Variants in HNF4G observed in about 807,000 individuals in gnomAD.
The protein encoded by HNF4G is hepatocyte nuclear factor 4 gamma.
A neutral mutation model predicts 50.9 loss-of-function variants in HNF4G; 21 were observed. That is an observed-to-expected ratio of 0.41 (90% confidence interval 0.29 to 0.59). HNF4G has a LOEUF of 0.59. Ranked by LOEUF, HNF4G falls within the 20% of genes least tolerant of loss-of-function variation. HNF4G has a pLI of 0.26. For missense variants in HNF4G, 527 were observed against 559.4 expected (o/e 0.94, Z 0.58); for synonymous variants, 198 against 185.6 (o/e 1.07, Z -0.54).
In HNF4G at chr8:75,560,388, C is replaced by T. The variant is rs745678642; in HGVS notation, c.1168C>T (p.His390Tyr). Residue 390 changes from histidine to tyrosine, a missense_variant, in exon 9 of 10, where the codon CAT (histidine) becomes TAT (tyrosine). By Grantham distance (83) the His-to-Tyr change is moderately conservative (BLOSUM62 2). Coordinates refer to ENST00000396423, the MANE Select transcript of HNF4G (RefSeq NM_004133.5). ...GSHLHHPMHP[H>Y]LSQDPLTGQT... Reference sequence around the variant, plus strand: ...TCATCTCCATCATCCAATGCATCCACATTTGTCTCAAGACCCATTAACTGG... The same window carrying T: ...TCATCTCCATCATCCAATGCATCCATATTTGTCTCAAGACCCATTAACTGG... 1 of 1,613,248 alleles carries T rather than the reference C, an allele frequency of 6.2e-7. No individual in the cohort carries two copies.
chr8:75,504,466 G>T lies in HNF4G; in HGVS notation c.-24+14258G>T, dbSNP rs569135009. 1.4e-3 allele frequency among the ~76,000 whole-genome samples: 207 copies of T among 151,756 alleles called. 1 individual carries two copies. The highest frequency in any genetic ancestry group is 4.4e-3 in the African/African-American group (181 of 41,198). On this transcript the variant is annotated intron_variant, in intron 2 of 10. Transcript: ENST00000354370. ...AGTTACAAGCATTTTAATAACTCTTGATATATACATATATATTATACACTT... is the reference window on the plus strand; with the variant it reads ...AGTTACAAGCATTTTAATAACTCTTTATATATACATATATATTATACACTT...
At chr8:75,537,972 A>G (rs1407419456), upstream of HNF4G, among the ~76,000 whole-genome samples, 1 of 152,176 alleles carries the variant, frequency 6.6e-6, no homozygotes, top group South Asian at 2.1e-4. Flanking sequence ...CTTCCACTGT[A>G]CTTTGTACTC....
rs201010130 is a variant in HNF4G, at chr8:75,551,404, T to A, written c.399T>A (p.Arg133=). The change falls in exon 4 of 10, where the codon CGT becomes CGA. Residue 133 remains arginine, a synonymous_variant. Coordinates refer to ENST00000396423, the MANE Select transcript of HNF4G (RefSeq NM_004133.5). ...GMKKEAVQNE[R]DRISTRRSTF... is the part of the protein sequence containing the mutation. Reference sequence around the variant, plus strand: ...TCCCCCTAGCTGTACAAAATGAACGTGACAGAATAAGCACCAGAAGAAGCA... The same window carrying A: ...TCCCCCTAGCTGTACAAAATGAACGAGACAGAATAAGCACCAGAAGAAGCA... The A allele has an allele frequency of 6.2e-7, 1 of 1,609,304 alleles. No individual in the cohort carries two copies. Among genetic ancestry groups the A allele is most frequent in the Non-Finnish European group, 8.5e-7 (1 of 1,175,860 alleles).
intron 1 of HNF4G, among the ~76,000 whole-genome samples, chr8:75,466,393 TG>T (rs1395658461): frequency 2.6e-5 from 4 of 152,132 alleles, no homozygotes; most frequent in African/African-American, 9.6e-5. Context: ...TTTATTAGAC[TG>T]TGCTGCTGAA....
intron 1 of HNF4G, among the ~76,000 whole-genome samples, chr8:75,470,237 A>T (rs1009464419): frequency 6.6e-6 from 1 of 152,224 alleles, no homozygotes; most frequent in African/African-American, 2.4e-5. Context: ...GAATTGTTTC[A>T]TGGATTCTTT....
chr8:75,434,379 A>G (rs755166778), intron 1 of HNF4G, among the ~76,000 whole-genome samples: 9 of 152,124 alleles, frequency 5.9e-5, no homozygotes, highest in Non-Finnish European at 1.0e-4. Context: ...TGAAAATGCC[A>G]CATATCAAAC....
chr8:75,560,319 C>T (rs1174482230), intron 8 of HNF4G, 25 bp from the exon 9 acceptor site: 6 of 1,609,816 alleles, frequency 3.7e-6, no homozygotes, highest in Non-Finnish European at 5.1e-6. Context: ...ATATCACTAA[C>T]ACAGCATCTT....
chr8:75,429,910 G>T (rs1287683491), intron 1 of HNF4G, among the ~76,000 whole-genome samples: 2 of 152,076 alleles, frequency 1.3e-5, no homozygotes, highest in African/African-American at 4.8e-5. Context: ...AAATTACTTT[G>T]GGAGGCCGAG....
chr8:75,464,708 G>A (rs1404018309), intron 1 of HNF4G, among the ~76,000 whole-genome samples: 1 of 152,136 alleles, frequency 6.6e-6, no homozygotes, highest in Non-Finnish European at 1.5e-5. Flanking sequence ...TGAGATATTA[G>A]AGATTGGTTT....
chr8:75,547,917 T>G (rs1036087388), intron 3 of HNF4G, among the ~76,000 whole-genome samples: 1 of 152,076 alleles, frequency 6.6e-6, no homozygotes, highest in East Asian at 1.9e-4. Context: ...TCTCCACCAT[T>G]ACATTGTCCA....
At chr8:75,523,226 A>T (rs552927550) in intron 2 of HNF4G, among the ~76,000 whole-genome samples, 1 of 152,220 alleles carries the variant, frequency 6.6e-6, no homozygotes, top group African/African-American at 2.4e-5. Flanking sequence ...TCCGTCTGAA[A>T]AAAAAGAAAA....
chr8:75,414,778 A>G (rs1810593211), intron 1 of HNF4G, among the ~76,000 whole-genome samples: 1 of 152,224 alleles, frequency 6.6e-6, no homozygotes, highest in African/African-American at 2.4e-5. Flanking sequence ...ATATTCTGCA[A>G]TTTGTTTATC....
At chr8:75,464,134 T>C (rs1811914454) in intron 1 of HNF4G, among the ~76,000 whole-genome samples, 1 of 152,146 alleles carries the variant, frequency 6.6e-6, no homozygotes, top group Non-Finnish European at 1.5e-5. Flanking sequence ...TATTATTTGA[T>C]GCTGAGTCAC....
chr8:75,430,546 G>T (rs1810990470), intron 1 of HNF4G, among the ~76,000 whole-genome samples: 1 of 151,784 alleles, frequency 6.6e-6, no homozygotes, highest in African/African-American at 2.4e-5. Flanking sequence ...TCTTGAGGGA[G>T]ATATTTGGTT....
intron 2 of HNF4G, among the ~76,000 whole-genome samples, chr8:75,508,440 A>G (rs1377037019): frequency 6.6e-6 from 1 of 152,104 alleles, no homozygotes; most frequent in Non-Finnish European, 1.5e-5. Flanking sequence ...AATATATTAA[A>G]CAGTTAAATA....
intron 2 of HNF4G, among the ~76,000 whole-genome samples, chr8:75,514,573 G>T (rs947852757): frequency 6.6e-6 from 1 of 151,514 alleles, no homozygotes; most frequent in African/African-American, 2.4e-5. Flanking sequence ...GGCTGGTCTC[G>T]AACTCCTGAC....
At chr8:75,558,179 G>A (rs1458467158) in intron 6 of HNF4G, among the ~76,000 whole-genome samples, 1 of 152,162 alleles carries the variant, frequency 6.6e-6, no homozygotes, top group Admixed American at 6.5e-5. Context: ...GTAGTCATTA[G>A]TGAATAAAAC....
At chr8:75,447,277 TA>T (rs1479626320) in intron 1 of HNF4G, among the ~76,000 whole-genome samples, 50 of 20,068 alleles carry the variant, frequency 2.5e-3, no homozygotes, top group South Asian at 3.4e-3. Flanking sequence ...ATACAAAAAT[TA>T]ATTCAAGATG....
intron 1 of HNF4G, among the ~76,000 whole-genome samples, chr8:75,417,643 T>G (rs1021483403): frequency 6.6e-6 from 1 of 152,238 alleles, no homozygotes; most frequent in African/African-American, 2.4e-5. Context: ...CTCCTTTGTG[T>G]TCTATCAATT....
Sources: allele counts gnomAD v4.1 joint callset (sites outside exome capture counted in the v4.1 genomes callset), GRCh38; gene constraint gnomAD v4.1.1; transcripts MANE v1.5; gene names NCBI Gene and HGNC (gene_info 2026-07-23, HGNC 2026-07-21).